Variants in TOX2 observed in about 807,000 individuals in gnomAD.
TOX2 encodes the protein granulosa cell HMG box 1.
A neutral mutation model predicts 47.4 loss-of-function variants in TOX2; 15 were observed. That is an observed-to-expected ratio of 0.32 (90% CI 0.21 to 0.49). The LOEUF (loss-of-function observed/expected upper bound fraction) is 0.49, where lower values mean the gene tolerates loss of function less well. TOX2 is among the 20% of genes least tolerant of loss of function. The pLI is 0.99. For missense variants in TOX2, 622 were observed against 673.1 expected (o/e 0.92, Z 0.84); for synonymous variants, 290 against 296.6 (o/e 0.98, Z 0.23).
intron 1 of TOX2, among the ~76,000 whole-genome samples, chr20:43,949,024 A>G (rs2069515619): frequency 6.6e-6 from 1 of 152,168 alleles, no homozygotes; most frequent in Non-Finnish European, 1.5e-5. Flanking sequence ...ATTGGTGTAG[A>G]AAGGCAGCTT....
intron 3 of TOX2, among the ~76,000 whole-genome samples, chr20:44,026,279 C>G (rs1186234101): frequency 1.3e-5 from 1 of 77,800 alleles, no homozygotes; most frequent in Non-Finnish European, 2.6e-5. Flanking sequence ...GAATACTACT[C>G]AGCCATAAAA....
chr20:43,923,899 C>T (rs373177581), intron 1 of TOX2, among the ~76,000 whole-genome samples: 3 of 152,188 alleles, frequency 2.0e-5, no homozygotes, highest in African/African-American at 7.2e-5. Flanking sequence ...CTGAAGAACG[C>T]CATCCCACAG....
chr20:44,053,010 C>T (rs772437006), intron 4 of TOX2, among the ~76,000 whole-genome samples: 7 of 152,242 alleles, frequency 4.6e-5, no homozygotes, highest in Non-Finnish European at 8.8e-5. Context: ...GATGCCTGAT[C>T]ATGCCTACTG....
At chr20:44,036,628 C>T (rs1199901717) in intron 3 of TOX2, among the ~76,000 whole-genome samples, 1 of 152,256 alleles carries the variant, frequency 6.6e-6, no homozygotes, top group Admixed American at 6.5e-5. Flanking sequence ...TGGCCCTGGG[C>T]CAAAGGCCCT....
chr20:44,032,123 G>A (rs1251827110), intron 3 of TOX2, among the ~76,000 whole-genome samples: 3 of 152,154 alleles, frequency 2.0e-5, no homozygotes, highest in Non-Finnish European at 2.9e-5. Flanking sequence ...TAGGATGGTC[G>A]GGGAAGGCCT....
chr20:44,046,100 T>A (rs573864724), intron 3 of TOX2, among the ~76,000 whole-genome samples: 55 of 152,332 alleles, frequency 3.6e-4, no homozygotes, highest in African/African-American at 1.3e-3. Context: ...AAGAACTGGG[T>A]TAGAAACCAG....
At chr20:43,918,886 C>T (rs1189478393) in intron 1 of TOX2, among the ~76,000 whole-genome samples, 2 of 152,200 alleles carry the variant, frequency 1.3e-5, no homozygotes, top group Non-Finnish European at 2.9e-5. Context: ...TTGCCTACCT[C>T]TGAGTTTCAG....
intron 4 of TOX2, among the ~76,000 whole-genome samples, chr20:44,052,902 T>C (rs1025706129): frequency 7.9e-5 from 12 of 152,222 alleles, no homozygotes; most frequent in Admixed American, 5.2e-4. Flanking sequence ...TCCCTGATCT[T>C]GCTAGGGTCA....
rs1286224859 is a variant in TOX2 at position 44,069,342 on chromosome 20, G to GGA, written c.*657_*658dup. 1.8e-5 allele frequency: 3 copies of GGA among 171,034 alleles called. No homozygotes were observed. Among genetic ancestry groups the GGA allele is most frequent in the Non-Finnish European group, 3.8e-5 (3 of 78,608 alleles). 10.6% of individuals were successfully genotyped at this position (171,034 alleles called of 1,614,324 possible). On this transcript the variant is annotated 3_prime_UTR_variant, in exon 9 of 9. Coordinates refer to ENST00000341197, the MANE Select transcript of TOX2 (RefSeq NM_001098797.2). The stretch of plus-strand genomic sequence containing the variant: ...AACCGTTTCGTCATCCTCACAGCAA[G>GGA]GACCGGACGCTTGCTAGCCACCCCG...
At chr20:44,051,231 A>G (rs2071503177) in intron 3 of TOX2, 75 bp from the exon 4 acceptor site, 3 of 1,517,570 alleles carry the variant, frequency 2.0e-6, no homozygotes, top group Non-Finnish European at 2.7e-6. Context: ...CCCTCCTCTA[A>G]GTCCGCTAGC....
chr20:44,053,437 T>TACACACACACACAC (rs1447650799), intron 4 of TOX2, among the ~76,000 whole-genome samples: 1 of 67,176 alleles, frequency 1.5e-5, no homozygotes, highest in African/African-American at 4.9e-5. Context: ...AGGGCAGATA[T>TACACACACACACAC]ATACACACAC....
chr20:44,038,732 C>T (rs1416820898), intron 3 of TOX2, among the ~76,000 whole-genome samples: 2 of 152,066 alleles, frequency 1.3e-5, no homozygotes, highest in Non-Finnish European at 2.9e-5. Flanking sequence ...GGGTGGCTGC[C>T]AGCTCTGTGA....
At chr20:43,948,131 T>G (rs538527068) in intron 1 of TOX2, among the ~76,000 whole-genome samples, 1 of 152,308 alleles carries the variant, frequency 6.6e-6, no homozygotes, top group East Asian at 1.9e-4. Context: ...TAACGTGTTC[T>G]CCTGGGGAGG....
At chr20:43,931,297 C>T (rs924013261) in intron 1 of TOX2, among the ~76,000 whole-genome samples, 8 of 152,170 alleles carry the variant, frequency 5.3e-5, no homozygotes, top group African/African-American at 1.9e-4. Flanking sequence ...GGCCACCACA[C>T]CTGATAATTT....
chr20:43,983,609 T>C (rs1265157789), intron 2 of TOX2, among the ~76,000 whole-genome samples: 1 of 152,216 alleles, frequency 6.6e-6, no homozygotes, highest in Non-Finnish European at 1.5e-5. Flanking sequence ...GGCTCCGCCC[T>C]GCTCTTAGGC....
intron 1 of TOX2, among the ~76,000 whole-genome samples, chr20:43,927,626 T>TTCCTTCCCTTCCCTTCC (rs2069188806): frequency 9.9e-4 from 6 of 6,084 alleles, no homozygotes; most frequent in African/African-American, 2.9e-3. Context: ...CCTTCCTTCC[T>TTCCTTCCCTTCCCTTCC]CCTTCCTTCC....
At chr20:43,942,030 A>G (rs1249374832) in intron 1 of TOX2, among the ~76,000 whole-genome samples, 1 of 152,202 alleles carries the variant, frequency 6.6e-6, no homozygotes, top group Non-Finnish European at 1.5e-5. Context: ...AGAAGATGGA[A>G]GTTGACTCCT....
intron 2 of TOX2, among the ~76,000 whole-genome samples, chr20:43,978,241 T>C (rs1227672960): frequency 6.6e-6 from 1 of 152,144 alleles, no homozygotes; most frequent in Non-Finnish European, 1.5e-5. Context: ...CCGATATCCT[T>C]ATCTCAAGGA....
intron 1 of TOX2, among the ~76,000 whole-genome samples, chr20:43,951,232 T>A (rs1345334113): frequency 6.6e-6 from 1 of 152,152 alleles, no homozygotes; most frequent in Admixed American, 6.5e-5. Flanking sequence ...ACTTCCTAGG[T>A]AGATAGCCTT....
Sources: gnomAD v4.1 joint callset for allele counts (sites outside exome capture counted in the v4.1 genomes callset) on GRCh38, gnomAD v4.1.1 for gene constraint, MANE v1.5 for transcripts, NCBI Gene and HGNC (gene_info 2026-07-23, HGNC 2026-07-21) for gene names.